Variants in BCAS3 observed in about 807,000 individuals in gnomAD.
BCAS3 encodes BCAS4/BCAS3 fusion.
BCAS3 carries 53 observed loss-of-function variants against 116.1 expected under a neutral mutation model. The ratio of observed to expected loss-of-function variants is 0.46; its 90% CI spans 0.37 to 0.57. The LOEUF (loss-of-function observed/expected upper bound fraction) is 0.57. BCAS3 is among the 20% of genes least tolerant of loss of function. BCAS3 has a pLI of 0.00. For synonymous variants in BCAS3, 391 were observed against 408.2 expected (o/e 0.96, Z 0.51); for missense variants, 917 against 1,165.4 (o/e 0.79, Z 3.10).
rs113693294 is a variant in BCAS3 at position 60,712,594 on chromosome 17, A to G, written c.321+3269A>G. ...ATTCAAAGCCCATGATCTAAGAGCT[A>G]TACTTCATCACTTTTCAAATGTGAT... On this transcript the variant is annotated intron_variant, in intron 5 of 23. Coordinates refer to ENST00000407086, the MANE Select transcript of BCAS3 (RefSeq NM_017679.5). Among the ~76,000 whole-genome samples the G allele has an allele frequency of 2.5e-3, 386 of 152,308 alleles. 1 individual carries two copies. Among genetic ancestry groups the G allele is most frequent in the African/African-American group, 8.8e-3 (364 of 41,576 alleles).
intron 6 of BCAS3, among the ~76,000 whole-genome samples, chr17:60,765,327 A>T (rs1360991085): frequency 6.6e-6 from 1 of 152,092 alleles, no homozygotes; most frequent in East Asian, 1.9e-4. Context: ...AGTGGCTGGT[A>T]CCGGTTGTTC....
chr17:61,000,567 A>G (rs1028497332), intron 15 of BCAS3, among the ~76,000 whole-genome samples: 2 of 152,144 alleles, frequency 1.3e-5, no homozygotes, highest in Non-Finnish European at 2.9e-5. Flanking sequence ...GTAGAGGATT[A>G]CTGTAGTTTC....
chr17:61,267,121 G>A (rs879584600), intron 22 of BCAS3, among the ~76,000 whole-genome samples: 25 of 152,062 alleles, frequency 1.6e-4, no homozygotes, highest in Admixed American at 1.4e-3. Flanking sequence ...GCAGTGGTGC[G>A]GTCTCGGCTC....
At position 61,377,809 on chromosome 17, in the gene BCAS3, C is replaced by T. The variant is rs2059408065; in HGVS notation, c.2593+9315C>T. The T allele has an allele frequency of 6.6e-6, 1 of 152,232 alleles. No individual in the cohort carries two copies. Among genetic ancestry groups the T allele is most frequent in the Admixed American group, 6.5e-5 (1 of 15,278 alleles). The allele number at this position is 152,232 out of a possible 1,614,324, so 9.4% of individuals were successfully genotyped here. A position where few individuals can be genotyped will look rare whatever the true frequency, so the allele number is the denominator to read the frequency against. Reference sequence around the variant, plus strand: ...AATTGTCAGAGCACTGCCAGGTAGACCTTCCCCTCTCCAGTTTACAAAGGA... The same window carrying T: ...AATTGTCAGAGCACTGCCAGGTAGATCTTCCCCTCTCCAGTTTACAAAGGA... On this transcript the variant is annotated intron_variant, in intron 23 of 23. Transcript: ENST00000407086. This position sits in a 1 kb window ranked among gnomAD's most constrained non-coding sequence, Gnocchi z 4.6.
In BCAS3 at chr17:60,807,639, G is replaced by A. The variant is rs531283616; in HGVS notation, c.404-365G>A. Among the ~76,000 whole-genome samples, 358 of 152,074 alleles carry A rather than the reference G, an allele frequency of 2.4e-3. 2 individuals are homozygous for A. The highest frequency in any genetic ancestry group is 8.2e-3 in the African/African-American group (339 of 41,474). On this transcript the variant is annotated intron_variant, in intron 6 of 23. Transcript: ENST00000407086. ...TCTACTAAAAATACAAAAATTAGCC[G>A]GGCATGGTGGTACGTGCCTGTAGTC...
chr17:60,989,905 G>T, intron 14 of BCAS3, 66 bp from the exon 15 acceptor site: 2 of 1,521,810 alleles, frequency 1.3e-6, no homozygotes, highest in Non-Finnish European at 1.8e-6. Context: ...TTGGTGATGT[G>T]TGATACTCTT....
At chr17:61,238,214 G>A (rs1424571563) in intron 22 of BCAS3, among the ~76,000 whole-genome samples, 1 of 112,800 alleles carries the variant, frequency 8.9e-6, no homozygotes, top group Admixed American at 1.1e-4. Context: ...CACCACACCT[G>A]GCAGTTTTTC....
At chr17:61,289,260 A>G (rs1306378997) in intron 22 of BCAS3, among the ~76,000 whole-genome samples, 1 of 152,202 alleles carries the variant, frequency 6.6e-6, no homozygotes, top group East Asian at 1.9e-4. Flanking sequence ...TGCTGGCCCA[A>G]CAGACTCTAG....
At chr17:60,715,220 A>G (rs1315528058) in intron 5 of BCAS3, among the ~76,000 whole-genome samples, 3 of 135,012 alleles carry the variant, frequency 2.2e-5, no homozygotes, top group Non-Finnish European at 1.5e-5. Flanking sequence ...TGCAGCCTCC[A>G]CCTCTGGGGT....
chr17:61,379,172 C>T lies in BCAS3; in HGVS notation c.2593+10678C>T, dbSNP rs1164018203. 6.6e-6 allele frequency: 1 copy of T among 152,254 alleles called. No homozygotes were observed. Among genetic ancestry groups the T allele is most frequent in the Admixed American group, 6.5e-5 (1 of 15,288 alleles). The allele number at this position is 152,254 out of a possible 1,614,324, so 9.4% of individuals were successfully genotyped here. ...GGTTAACAAAAGGGAGGATTTCTCC[C>T]TGTTCCTCCTCCTCTGCCACAGTAT... On this transcript the variant is annotated intron_variant, in intron 23 of 23. Transcript: ENST00000407086. This position sits in a 1 kb window ranked among gnomAD's most constrained non-coding sequence, Gnocchi z 5.5.
intron 22 of BCAS3, among the ~76,000 whole-genome samples, chr17:61,287,981 T>C (rs1218171936): frequency 6.6e-6 from 1 of 152,194 alleles, no homozygotes; most frequent in Non-Finnish European, 1.5e-5. Flanking sequence ...TGCAGAGGAA[T>C]CGGGACTCGA....
At chr17:61,005,123 G>A (rs1191476635) in intron 15 of BCAS3, among the ~76,000 whole-genome samples, 6 of 152,066 alleles carry the variant, frequency 3.9e-5, no homozygotes, top group Admixed American at 1.3e-4. Context: ...GGGGATGGTC[G>A]TGGTATCACT....
At chr17:61,175,300 A>G (rs1472818494) in intron 22 of BCAS3, among the ~76,000 whole-genome samples, 1 of 151,964 alleles carries the variant, frequency 6.6e-6, no homozygotes, top group Admixed American at 6.6e-5. Context: ...CCAGCTACTC[A>G]GGAGACTGAG....
rs1336523346 is a variant in BCAS3 at position 61,332,617 on chromosome 17, A to T, written c.2426-35710A>T. On this transcript the variant is annotated intron_variant, in intron 22 of 23. Coordinates refer to ENST00000407086, the MANE Select transcript of BCAS3 (RefSeq NM_017679.5). The surrounding 1 kb of genome is among the most constrained non-coding windows in gnomAD (Gnocchi z 5.4). ...ATTATTATCCCCATCTTTTATTATT[A>T]TTTTTTTTTATTTTTTGAGATAGAG... 3.3e-5 allele frequency among the ~76,000 whole-genome samples: 5 copies of T among 151,380 alleles called. No individual in the cohort carries two copies. Among genetic ancestry groups the T allele is most frequent in the South Asian group, 2.1e-4 (1 of 4,754 alleles).
At position 61,242,014 on chromosome 17, in the gene BCAS3, C is replaced by T. The variant is rs979199461; in HGVS notation, c.2426-126313C>T. ...AACATTGGCTGGGTGTGGTGGCTCACACCTGTAATTCCAGCACTTTGGGAG... is the reference window on the plus strand; with the variant it reads ...AACATTGGCTGGGTGTGGTGGCTCATACCTGTAATTCCAGCACTTTGGGAG... On this transcript the variant is annotated intron_variant, in intron 22 of 23. Coordinates refer to ENST00000407086, the MANE Select transcript of BCAS3 (RefSeq NM_017679.5). Among the ~76,000 whole-genome samples, 5 of 152,090 alleles carry T rather than the reference C, an allele frequency of 3.3e-5. No individual in the cohort carries two copies. The East Asian group carries it at 7.7e-4, about 23-fold the overall frequency.
chr17:61,031,021 A>G (rs553242527), intron 16 of BCAS3, among the ~76,000 whole-genome samples: 1 of 152,168 alleles, frequency 6.6e-6, no homozygotes, highest in South Asian at 2.1e-4. Context: ...ACAAATTTAA[A>G]TATTTTTCTA....
chr17:61,116,640 G>C (rs2075476002), intron 22 of BCAS3, among the ~76,000 whole-genome samples: 1 of 152,094 alleles, frequency 6.6e-6, no homozygotes, highest in South Asian at 2.1e-4. Flanking sequence ...CCTTTGTTAA[G>C]AGATCTTCCT....
chr17:60,888,018 A>G (rs1429795145), intron 9 of BCAS3, among the ~76,000 whole-genome samples: 2 of 152,102 alleles, frequency 1.3e-5, no homozygotes, highest in Non-Finnish European at 2.9e-5. Context: ...TGTCCCCCCA[A>G]CCCCTTCACT....
In BCAS3 at chr17:60,736,928, C is replaced by G. The variant is rs549533731; in HGVS notation, c.322-10270C>G. On this transcript the variant is annotated intron_variant, in intron 5 of 23. Coordinates refer to ENST00000407086, the MANE Select transcript of BCAS3 (RefSeq NM_017679.5). Reference sequence around the variant, plus strand: ...TCCCTTCCTCCCTTCCTCCCTTCCTCCCTCCCTTCCTTCCTTCCTTCCTAT... The same window carrying G: ...TCCCTTCCTCCCTTCCTCCCTTCCTGCCTCCCTTCCTTCCTTCCTTCCTAT... Among the ~76,000 whole-genome samples, 10 of 128,482 alleles carry G rather than the reference C, an allele frequency of 7.8e-5. No individual in the cohort carries two copies. In the South Asian group the frequency reaches 2.1e-3, roughly 27 times the overall value. The allele number at this position is 128,482 out of a possible 152,430, so 84.3% of individuals were successfully genotyped here.
Sources: gnomAD v4.1 joint callset for allele counts (sites outside exome capture counted in the v4.1 genomes callset) on GRCh38, gnomAD v4.1.1 for gene constraint, Gnocchi (gnomAD v3.1) non-coding constraint, MANE v1.5 for transcripts, NCBI Gene and HGNC (gene_info 2026-07-23, HGNC 2026-07-21) for gene names.